The following PHACTR2 variants were observed in gnomAD, a reference collection of about 807,000 sequenced individuals.
The protein encoded by PHACTR2 is chromosome 6 open reading frame 56.
PHACTR2 carries 30 observed loss-of-function variants against 76.0 expected under a neutral mutation model. That is an observed-to-expected ratio of 0.39 (90% CI 0.30 to 0.54). PHACTR2 has a LOEUF of 0.54. Among genes scored for constraint, PHACTR2 ranks in the 20% least tolerant of loss-of-function variants. The pLI, the probability that PHACTR2 is intolerant of heterozygous loss-of-function variation, is 0.61. For synonymous variants in PHACTR2, 292 were observed against 292.5 expected, an observed-to-expected ratio of 1.00 and a Z score of 0.02; for missense variants, 696 against 781.1, an observed-to-expected ratio of 0.89 and a Z score of 1.30.
chr6:143,537,799 C>T lies in PHACTR2; in HGVS notation c.217+592C>T, dbSNP rs1781132226. Among the ~76,000 whole-genome samples, 1 of 152,150 alleles carries T rather than the reference C, an allele frequency of 6.6e-6. No homozygotes were observed. Among genetic ancestry groups the T allele is most frequent in the Non-Finnish European group, 1.5e-5 (1 of 68,030 alleles). ...TGGCGGGCTGTTTGTGCCTCTCATC[C>T]TTTAACATGTTTTGAAAAAGCCTCG... On this transcript the variant is annotated intron_variant, in intron 1 of 11. Transcript: ENST00000367584. The surrounding 1 kb of genome is among the most constrained non-coding windows in gnomAD (Gnocchi z 4.4).
intron 1 of PHACTR2, among the ~76,000 whole-genome samples, chr6:143,692,243 C>T (rs1236090895): frequency 3.9e-5 from 6 of 152,128 alleles, no homozygotes; most frequent in Non-Finnish European, 8.8e-5. Context: ...TTGCACTGAT[C>T]AATTTCATCT....
chr6:143,600,749 T>A (rs1775805442), intron 1 of PHACTR2, among the ~76,000 whole-genome samples: 1 of 152,266 alleles, frequency 6.6e-6, no homozygotes, highest in Non-Finnish European at 1.5e-5. Context: ...TGTTTAGTTT[T>A]GTTTTGTTTT....
chr6:143,588,210 T>C (rs1457462766), intron 1 of PHACTR2, among the ~76,000 whole-genome samples: 1 of 152,152 alleles, frequency 6.6e-6, no homozygotes, highest in Non-Finnish European at 1.5e-5. Flanking sequence ...GGAAAGATTT[T>C]CCCTAGCTAT....
Position 143,774,285 on chromosome 6 carries a change from AC to A in PHACTR2, c.1589+71del. On this transcript the variant is annotated intron_variant, in intron 8 of 12. Transcript: ENST00000440869. This position sits in a 1 kb window ranked among gnomAD's most constrained non-coding sequence, Gnocchi z 5.4. Reference sequence around the variant, plus strand: ...TCTCCCTCCCAAAGCTTCCTACCTAACTGGGGTCATTGTGAATTCCTTATGT... The same window carrying A: ...TCTCCCTCCCAAAGCTTCCTACCTAATGGGGTCATTGTGAATTCCTTATGT... The A allele has an allele frequency of 7.8e-7, 1 of 1,274,722 alleles. No individual in the cohort carries two copies. The highest frequency in any genetic ancestry group is 1.8e-5 in the Admixed American group (1 of 54,386). The allele number at this position is 1,274,722 out of a possible 1,614,324, so 79.0% of individuals were successfully genotyped here.
chr6:143,829,175 T>C lies in PHACTR2; in HGVS notation c.*5486T>C, dbSNP rs1306858961. 7.0e-6 allele frequency: 1 copy of C among 143,056 alleles called. No individual in the cohort carries two copies. Among genetic ancestry groups the C allele is most frequent in the Non-Finnish European group, 1.5e-5 (1 of 65,906 alleles). 8.9% of individuals were successfully genotyped at this position (143,056 alleles called of 1,614,324 possible). A position where few individuals can be genotyped will look rare whatever the true frequency, so the allele number is the denominator to read the frequency against. ...CTATATATACTTAAAGGAGAGATCA[T>C]ACATGAAGAAAGCTTTTTTTTTTTT... On this transcript the variant is annotated 3_prime_UTR_variant, in exon 13 of 13. Coordinates refer to ENST00000440869, the MANE Select transcript of PHACTR2 (RefSeq NM_001100164.2).
chr6:143,564,734 G>T (rs554507618), intron 1 of PHACTR2, among the ~76,000 whole-genome samples: 1 of 152,326 alleles, frequency 6.6e-6, no homozygotes, highest in South Asian at 2.1e-4. Flanking sequence ...TTCTCGGAAG[G>T]CCTGCTGATC....
chr6:143,655,746 A>G (rs1776838029), intron 1 of PHACTR2, among the ~76,000 whole-genome samples: 1 of 152,230 alleles, frequency 6.6e-6, no homozygotes, highest in Non-Finnish European at 1.5e-5. Flanking sequence ...TTTCAGACTT[A>G]GTTATTTACT....
At position 143,608,358 on chromosome 6, in the gene PHACTR2, G is replaced by A. The variant is rs2128436964; in HGVS notation, c.13+36G>A. The A allele has an allele frequency of 2.5e-6, 4 of 1,610,460 alleles. No individual in the cohort carries two copies. In the South Asian group the frequency reaches 3.3e-5, roughly 13 times the overall value. The stretch of plus-strand genomic sequence containing the variant: ...CAAGCATGAATTCTTCATAGCTGCT[G>A]GCTTCCTTTGCAGCCCGCATCCTTT... On this transcript the variant is annotated intron_variant, in intron 1 of 11. Transcript: ENST00000305766. The surrounding 1 kb of genome is among the most constrained non-coding windows in gnomAD (Gnocchi z 4.6).
chr6:143,614,378 T>A (rs2128438465), intron 1 of PHACTR2, among the ~76,000 whole-genome samples: 1 of 152,324 alleles, frequency 6.6e-6, no homozygotes, highest in East Asian at 1.9e-4. Flanking sequence ...ATAACTCCAA[T>A]TTGGAATGCA....
intron 12 of PHACTR2, among the ~76,000 whole-genome samples, chr6:143,808,736 AT>A (rs1160508688): frequency 1.3e-5 from 2 of 151,858 alleles, no homozygotes; most frequent in Non-Finnish European, 2.9e-5. Flanking sequence ...CTCCTATATC[AT>A]TTGTTTTTAT....
chr6:143,695,307 A>G lies in PHACTR2; in HGVS notation c.47-16709A>G, dbSNP rs1200592332. ...CCTTTAGTTGTGACTCTGTCATTGT[A>G]GACTTTTAAGGCATCTTGCAGATTA... On this transcript the variant is annotated intron_variant, in intron 1 of 12. Transcript: ENST00000440869. The surrounding 1 kb of genome is among the most constrained non-coding windows in gnomAD (Gnocchi z 4.4). 6.6e-6 allele frequency among the ~76,000 whole-genome samples: 1 copy of G among 152,208 alleles called. No homozygotes were observed. Among genetic ancestry groups the G allele is most frequent in the Non-Finnish European group, 1.5e-5 (1 of 68,042 alleles).
chr6:143,721,133 C>T (rs1321718120), intron 2 of PHACTR2, among the ~76,000 whole-genome samples: 7 of 152,124 alleles, frequency 4.6e-5, no homozygotes, highest in South Asian at 2.1e-4. Flanking sequence ...TTTAGAATGG[C>T]GCATATGTTG....
In PHACTR2 at chr6:143,755,992, T is replaced by C. The variant is rs1779288791; in HGVS notation, c.454+2080T>C. 6.6e-6 allele frequency among the ~76,000 whole-genome samples: 1 copy of C among 151,942 alleles called. No homozygotes were observed. Among genetic ancestry groups the C allele is most frequent in the South Asian group, 2.1e-4 (1 of 4,824 alleles). On this transcript the variant is annotated intron_variant, in intron 4 of 12. Transcript: ENST00000440869. This position sits in a 1 kb window ranked among gnomAD's most constrained non-coding sequence, Gnocchi z 5.2. ...AAACCCCACCATCCCATGATCTTAA[T>C]TCACCCTTTATTTTGGGATACAGTG...
At chr6:143,724,818 C>T (rs1324179034) in intron 2 of PHACTR2, among the ~76,000 whole-genome samples, 3 of 152,192 alleles carry the variant, frequency 2.0e-5, no homozygotes, top group Non-Finnish European at 4.4e-5. Context: ...GTTTTCCTGC[C>T]TTGCCTCTCT....
In PHACTR2 at chr6:143,599,620, A is replaced by C. The variant is rs1183808080; in HGVS notation, c.217+62413A>C. On this transcript the variant is annotated intron_variant, in intron 1 of 11. Transcript: ENST00000367584. This position sits in a 1 kb window ranked among gnomAD's most constrained non-coding sequence, Gnocchi z 4.6. ...ATTTAAGTCAAGCAGAGCCTAGAAT[A>C]CTTGTTTGATGAATCCCAAACAGCC... Among the ~76,000 whole-genome samples the C allele has an allele frequency of 1.3e-5, 2 of 152,238 alleles. No homozygotes were observed. The highest frequency in any genetic ancestry group is 2.9e-5 in the Non-Finnish European group (2 of 68,042).
intron 1 of PHACTR2, among the ~76,000 whole-genome samples, chr6:143,631,111 G>A (rs1050807522): frequency 6.6e-5 from 10 of 152,196 alleles, no homozygotes; most frequent in African/African-American, 2.4e-4. Flanking sequence ...GGAGTTTTAT[G>A]TAGTATCTAA....
chr6:143,790,590 C>G (rs1213625312), intron 11 of PHACTR2, among the ~76,000 whole-genome samples: 3 of 151,806 alleles, frequency 2.0e-5, no homozygotes, highest in Non-Finnish European at 4.4e-5. Context: ...TGCCCATTTT[C>G]TTTTGGGTTG....
At chr6:143,712,642 C>T (rs1421234591) in intron 2 of PHACTR2, among the ~76,000 whole-genome samples, 1 of 151,628 alleles carries the variant, frequency 6.6e-6, no homozygotes, top group African/African-American at 2.4e-5. Context: ...CGGTCTTGTT[C>T]GTTAATTAAA....
Position 143,610,277 on chromosome 6 carries a change from T to G in PHACTR2, c.13+1955T>G, listed in dbSNP as rs1775955044. Among the ~76,000 whole-genome samples, 2 of 138,002 alleles carry G rather than the reference T, an allele frequency of 1.4e-5. No individual in the cohort carries two copies. Among genetic ancestry groups the G allele is most frequent in the South Asian group, 4.6e-4 (2 of 4,346 alleles). The allele number at this position is 138,002 out of a possible 152,430, so 90.5% of individuals were successfully genotyped here. A position where few individuals can be genotyped will look rare whatever the true frequency, so the allele number is the denominator to read the frequency against. ...AGGGAAGCATTTAAGATAAAACTGG[T>G]AAGTGGCAAAAAAAAAAATCTGAAA... On this transcript the variant is annotated intron_variant, in intron 1 of 11. Coordinates refer to the PHACTR2 transcript ENST00000305766. The surrounding 1 kb of genome is among the most constrained non-coding windows in gnomAD (Gnocchi z 4.9).
Sources: gnomAD v4.1 joint callset for allele counts (sites outside exome capture counted in the v4.1 genomes callset) on GRCh38, gnomAD v4.1.1 for gene constraint, Gnocchi (gnomAD v3.1) non-coding constraint, MANE v1.5 for transcripts, NCBI Gene and HGNC (gene_info 2026-07-23, HGNC 2026-07-21) for gene names.